CHAF1A: variants seen among roughly 807,000 people sequenced by gnomAD.
CHAF1A encodes chromatin assembly factor 1 subunit A, also known as CAF-1 subunit A.
Under a neutral mutation model 93.2 loss-of-function variants are expected in CHAF1A, and 5 were observed. The ratio of observed to expected loss-of-function variants is 0.05; its 90% CI spans 0.03 to 0.11. The LOEUF (loss-of-function observed/expected upper bound fraction) is 0.11, where lower values mean the gene tolerates loss of function less well. Ranked by LOEUF, CHAF1A falls within the 10% of genes least tolerant of loss-of-function variation. The pLI is 1.00. For missense variants in CHAF1A, 1,102 were observed against 1,259.9 expected (o/e 0.87, Z 1.90); for synonymous variants, 504 against 510.3 (o/e 0.99, Z 0.17).
intron 3 of CHAF1A, among the ~76,000 whole-genome samples, chr19:4,412,449 C>T (rs938887272): frequency 1.3e-5 from 2 of 152,062 alleles, no homozygotes; most frequent in African/African-American, 2.4e-5. Context: ...GAGGCTGAGG[C>T]GGGAGAACCG....
downstream of CHAF1A, chr19:4,445,796 T>G (rs2145166409): frequency 3.4e-6 from 4 of 1,179,846 alleles, no homozygotes; most frequent in East Asian, 7.7e-5. Flanking sequence ...CTCCAGGACC[T>G]AAGCCTAAAC....
At position 4,409,149 on chromosome 19, in the gene CHAF1A, T is replaced by C. The variant is rs1973741763; in HGVS notation, c.350T>C (p.Ile117Thr). The C allele has an allele frequency of 3.7e-6, 6 of 1,614,178 alleles. No homozygotes were observed. The East Asian group carries it at 6.7e-5, about 18-fold the overall frequency. ...ETSIGQSTVI[I>T]DLTEDSNEQP... is the part of the protein sequence containing the mutation. Reference sequence around the variant, plus strand: ...AGTATTGGCCAGAGCACAGTCATCATTGATTTGACAGAGGACTCGAATGAG... The same window carrying C: ...AGTATTGGCCAGAGCACAGTCATCACTGATTTGACAGAGGACTCGAATGAG... The change falls in exon 3 of 15, where the codon ATT becomes ACT. Residue 117 changes from isoleucine to threonine, a missense_variant. Physicochemically the swap from Ile to Thr is moderately conservative, Grantham distance 89. Transcript: ENST00000301280.
At position 4,432,145 on chromosome 19, in the gene CHAF1A, C is replaced by T; in HGVS notation, c.2141C>T (p.Thr714Ile). Residue 714 changes from threonine (T) to isoleucine (I), a missense_variant, in exon 12 of 15, where the codon ACC becomes ATC. Coordinates refer to ENST00000301280, the MANE Select transcript of CHAF1A (RefSeq NM_005483.3). ...LQQFAACFLE[T>I]LPAQEEQTPK... ...CAGTTCGCAGCCTGCTTCCTGGAGA[C>T]CCTGCCGGCCCAGGAGGAGCAGACG... The T allele has an allele frequency of 6.2e-7, 1 of 1,613,030 alleles. No homozygotes were observed. The highest frequency in any genetic ancestry group is 1.1e-5 in the South Asian group (1 of 91,062).
chr19:4,448,490 G>A (rs1276428279), downstream of CHAF1A: 1 of 1,259,744 alleles, frequency 7.9e-7, no homozygotes, highest in East Asian at 2.5e-5. Context: ...CAGGTAACAG[G>A]GGCAGGAAAA....
downstream of CHAF1A, among the ~76,000 whole-genome samples, chr19:4,443,836 C>G (rs192177791): frequency 6.6e-6 from 1 of 152,200 alleles, no homozygotes; most frequent in Non-Finnish European, 1.5e-5. Context: ...GGACAGGCGA[C>G]AGCCGCTGTG....
At chr19:4,441,218 G>A (rs902074645) in intron 13 of CHAF1A, among the ~76,000 whole-genome samples, 2 of 152,112 alleles carry the variant, frequency 1.3e-5, no homozygotes, top group South Asian at 4.1e-4. Context: ...TCAGGAGGCC[G>A]AGGCAGGAGA....
chr19:4,409,585 C>G lies in CHAF1A; in HGVS notation c.786C>G (p.Gly262=), dbSNP rs752721026. ...AGTCCCTTCCAGCCACACCCCAAGG[C>G]AAGAACATGACCCCTGAGAGTGAGG... ...QIKSLPATPQ[G]KNMTPESEVL... Residue 262 remains glycine, a synonymous_variant, in exon 3 of 15, where the codon GGC becomes GGG. Coordinates refer to ENST00000301280, the MANE Select transcript of CHAF1A (RefSeq NM_005483.3). 1.4e-5 allele frequency: 22 copies of G among 1,614,026 alleles called. No homozygotes were observed. Among genetic ancestry groups the G allele is most frequent in the African/African-American group, 2.7e-5 (2 of 74,908 alleles).
In CHAF1A at chr19:4,442,330, C is replaced by T. The variant is rs201873003; in HGVS notation, c.2759C>T (p.Pro920Leu). 47 of 1,597,506 alleles carry T rather than the reference C, an allele frequency of 2.9e-5. No individual in the cohort carries two copies. In the East Asian group the frequency reaches 6.7e-4, roughly 23 times the overall value. Reference sequence around the variant, plus strand: ...GGCGACTGTATGATCGTGGATGTCCCGGATGCTGCGGGTGAGAAGGGCTGT... The same window carrying T: ...GGCGACTGTATGATCGTGGATGTCCTGGATGCTGCGGGTGAGAAGGGCTGT... ...EEGDCMIVDVPDAAEVQAPCG... is the reference protein window; with the variant it reads ...EEGDCMIVDVLDAAEVQAPCG... The change falls in exon 14 of 15, where the codon CCG (proline) becomes CTG (leucine). Residue 920 changes from proline to leucine, a missense_variant. Physicochemically the swap from Pro to Leu is moderately conservative, Grantham distance 98 (BLOSUM62 -3). Coordinates refer to ENST00000301280, the MANE Select transcript of CHAF1A (RefSeq NM_005483.3).
chr19:4,423,987 C>T, intron 7 of CHAF1A, 113 bp downstream of exon 7: 1 of 944,760 alleles, frequency 1.1e-6, no homozygotes, highest in Non-Finnish European at 1.7e-6. Context: ...GAGGGAGCCT[C>T]CAGTGACCTA....
At chr19:4,421,139 C>T (rs1022822384) in intron 4 of CHAF1A, among the ~76,000 whole-genome samples, 3 of 152,108 alleles carry the variant, frequency 2.0e-5, no homozygotes, top group Non-Finnish European at 1.5e-5. Context: ...GCTGCAGTGC[C>T]GTGGCGTGAT....
At chr19:4,412,268 C>T (rs1256277260) in intron 3 of CHAF1A, among the ~76,000 whole-genome samples, 1 of 152,146 alleles carries the variant, frequency 6.6e-6, no homozygotes, top group Non-Finnish European at 1.5e-5. Context: ...CATGGCTGGG[C>T]GCGGTGGCTC....
intron 2 of CHAF1A, among the ~76,000 whole-genome samples, chr19:4,407,903 G>C (rs1973709511): frequency 6.6e-6 from 1 of 151,960 alleles, no homozygotes; most frequent in Non-Finnish European, 1.5e-5. Context: ...AGCTGAGGTG[G>C]CGCCATTGCA....
chr19:4,421,060 C>CT (rs1973982716), intron 4 of CHAF1A, among the ~76,000 whole-genome samples: 1 of 152,134 alleles, frequency 6.6e-6, no homozygotes, highest in South Asian at 2.1e-4. Flanking sequence ...GAATGAGACT[C>CT]TATCTCCAAA....
At chr19:4,448,273 G>A, downstream of CHAF1A, 1 of 1,523,192 alleles carries the variant, frequency 6.6e-7, no homozygotes, top group South Asian at 1.2e-5. Context: ...GGGGTGCTGG[G>A]ATGAGCTGGA....
At chr19:4,446,349 G>A (rs147364683), downstream of CHAF1A, 42 of 1,571,210 alleles carry the variant, frequency 2.7e-5, no homozygotes, top group African/African-American at 2.0e-4. Flanking sequence ...CGCAGCCCCC[G>A]CTGCTCCTCC....
In CHAF1A at chr19:4,423,408, C is replaced by T; in HGVS notation, c.1308+13C>T. ...AGAAGAAGAGAAGGTAGAGTGTTTC[C>T]CACAGAGCTTCCCCGTCCCAGCCCG... is the stretch of plus-strand genomic sequence containing the variant. On this transcript the variant is annotated intron_variant, in intron 6 of 14. Coordinates refer to ENST00000301280, the MANE Select transcript of CHAF1A (RefSeq NM_005483.3). 1 of 1,613,840 alleles carries T rather than the reference C, an allele frequency of 6.2e-7. No homozygotes were observed. The highest frequency in any genetic ancestry group is 8.5e-7 in the Non-Finnish European group (1 of 1,179,912).
Position 4,423,507 on chromosome 19 carries a change from A to G in CHAF1A, c.1308+112A>G. On this transcript the variant is annotated intron_variant, in intron 6 of 14. Transcript: ENST00000301280. ...AATATTCTCTTGGTTTGGGGAAACC[A>G]AATGGCGCCCGCAGGGAGGGCGAGT... is the stretch of plus-strand genomic sequence containing the variant. 10 of 1,564,470 alleles carry G rather than the reference A, an allele frequency of 6.4e-6. 1 individual carries two copies. The South Asian group carries it at 1.2e-4, about 19-fold the overall frequency.
At chr19:4,423,128 A>G (rs1439118964) in intron 5 of CHAF1A, among the ~76,000 whole-genome samples, 1 of 152,164 alleles carries the variant, frequency 6.6e-6, no homozygotes, top group Non-Finnish European at 1.5e-5. Context: ...AGTTTTTTAT[A>G]TATATTCTAG....
downstream of CHAF1A, chr19:4,447,613 G>A (rs752016310): frequency 1.2e-6 from 2 of 1,613,958 alleles, no homozygotes. Context: ...GCAGGTGGAT[G>A]TTGTCCAGGT....
Sources: allele counts gnomAD v4.1 joint callset (sites outside exome capture counted in the v4.1 genomes callset), GRCh38; gene constraint gnomAD v4.1.1; transcripts MANE v1.5; gene names NCBI Gene and HGNC (gene_info 2026-07-23, HGNC 2026-07-21).